TYW1: variants seen among roughly 807,000 people sequenced by gnomAD.
TYW1 encodes tRNA-yW synthesizing protein 1 homolog.
Under a neutral mutation model 96.2 loss-of-function variants are expected in TYW1, and 46 were observed. The ratio of observed to expected loss-of-function variants is 0.48; its 90% confidence interval spans 0.38 to 0.61. TYW1 has a LOEUF of 0.61. Ranked by LOEUF, TYW1 falls within the 20% of genes least tolerant of loss-of-function variation. The pLI is 0.00. For missense variants in TYW1, 684 were observed against 909.6 expected, an observed-to-expected ratio of 0.75 and a Z score of 3.19; for synonymous variants, 274 against 323.0, an observed-to-expected ratio of 0.85 and a Z score of 1.63.
intron 15 of TYW1, among the ~76,000 whole-genome samples, chr7:67,226,278 T>C (rs1317625764): frequency 1.8e-4 from 28 of 152,214 alleles, no homozygotes; most frequent in Admixed American, 1.8e-3. Context: ...AGGGACCCGA[T>C]GGCCTTTGTA....
intron 12 of TYW1, among the ~76,000 whole-genome samples, chr7:67,106,497 G>A (rs867966104): frequency 6.6e-6 from 1 of 152,122 alleles, no homozygotes; most frequent in East Asian, 1.9e-4. Context: ...GTATGGCATC[G>A]TGTTGTAAGG....
intron 3 of TYW1, among the ~76,000 whole-genome samples, chr7:67,004,009 A>C (rs1043036673): frequency 6.6e-6 from 1 of 150,956 alleles, no homozygotes; most frequent in African/African-American, 2.4e-5. Context: ...GCGCCACTGC[A>C]CTCCAGTCTG....
intron 13 of TYW1, among the ~76,000 whole-genome samples, chr7:67,167,911 C>T (rs529738638): frequency 2.6e-5 from 4 of 151,748 alleles, no homozygotes; most frequent in East Asian, 1.9e-4. Flanking sequence ...CCCACCACCA[C>T]GCCCAGATCA....
intron 13 of TYW1, among the ~76,000 whole-genome samples, chr7:67,157,892 A>G (rs996659386): frequency 6.6e-6 from 1 of 152,164 alleles, no homozygotes; most frequent in Non-Finnish European, 1.5e-5. Context: ...GAGAGCTGTA[A>G]TAAAATTTGT....
intron 7 of TYW1, among the ~76,000 whole-genome samples, chr7:67,030,927 A>G (rs1284574866): frequency 6.6e-6 from 1 of 151,450 alleles, no homozygotes; most frequent in East Asian, 2.0e-4. Flanking sequence ...TTGGCCTGGC[A>G]CGGTGGCTCA....
intron 12 of TYW1, among the ~76,000 whole-genome samples, chr7:67,112,863 G>A (rs181896011): frequency 6.6e-6 from 1 of 152,258 alleles, no homozygotes; most frequent in Admixed American, 6.5e-5. Flanking sequence ...CTGGAGCCAC[G>A]TGACTTTCAT....
chr7:67,073,503 G>A (rs1796099945), intron 10 of TYW1, among the ~76,000 whole-genome samples: 1 of 152,162 alleles, frequency 6.6e-6, no homozygotes, highest in South Asian at 2.1e-4. Flanking sequence ...CGGGTGCAGT[G>A]GCTCATGCCT....
intron 13 of TYW1, among the ~76,000 whole-genome samples, chr7:67,130,825 G>A (rs1286132420): frequency 6.6e-6 from 1 of 152,108 alleles, no homozygotes; most frequent in Non-Finnish European, 1.5e-5. Flanking sequence ...CCCACAGTCT[G>A]CATTTGGCAC....
intron 9 of TYW1, among the ~76,000 whole-genome samples, chr7:67,063,337 A>G (rs1378864040): frequency 6.6e-6 from 1 of 152,256 alleles, no homozygotes; most frequent in African/African-American, 2.4e-5. Context: ...ATGAGAGAGT[A>G]AATGCTTTTC....
intron 13 of TYW1, among the ~76,000 whole-genome samples, chr7:67,140,692 T>C (rs1412412883): frequency 3.9e-5 from 6 of 152,262 alleles, no homozygotes; most frequent in Non-Finnish European, 8.8e-5. Context: ...TGAAGGTCAC[T>C]TTTATGGTAC....
At position 67,123,089 on chromosome 7, in the gene TYW1, G is replaced by A. The variant is rs572769337; in HGVS notation, c.1698+5471G>A. Among the ~76,000 whole-genome samples the A allele has an allele frequency of 4.6e-5, 7 of 152,208 alleles. No homozygotes were observed. In the South Asian group the frequency reaches 1.0e-3, roughly 23 times the overall value. ...TAGGATGAGCTCGTCTCCCTTTCAT[G>A]GTTCTGACAAGTTTCCCTTCTTATT... On this transcript the variant is annotated intron_variant, in intron 13 of 15. Coordinates refer to ENST00000359626, the MANE Select transcript of TYW1 (RefSeq NM_018264.4).
chr7:66,997,080 C>G (rs1249188804), intron 1 of TYW1, 98 bp downstream of exon 1: 8 of 1,585,552 alleles, frequency 5.0e-6, no homozygotes, highest in Non-Finnish European at 5.1e-6. Flanking sequence ...GGTCCCTTTC[C>G]TTCGGAGACT....
chr7:67,111,605 C>T (rs1041186478), intron 12 of TYW1, among the ~76,000 whole-genome samples: 3 of 151,772 alleles, frequency 2.0e-5, no homozygotes, highest in Non-Finnish European at 2.9e-5. Context: ...GGCATGCCAA[C>T]ATATTTATAA....
intron 5 of TYW1, among the ~76,000 whole-genome samples, chr7:67,015,633 A>T (rs1793989946): frequency 6.6e-6 from 1 of 152,174 alleles, no homozygotes; most frequent in African/African-American, 2.4e-5. Context: ...GATTACAGGC[A>T]TGAACGTGTC....
intron 13 of TYW1, among the ~76,000 whole-genome samples, chr7:67,150,752 T>C (rs1724611598): frequency 6.6e-6 from 1 of 151,866 alleles, no homozygotes; most frequent in Non-Finnish European, 1.5e-5. Context: ...TTTTGTCCTG[T>C]GTTTGTGCAT....
intron 13 of TYW1, among the ~76,000 whole-genome samples, chr7:67,167,091 C>G (rs1216966831): frequency 6.6e-6 from 1 of 152,180 alleles, no homozygotes; most frequent in African/African-American, 2.4e-5. Context: ...TCTCCATTGC[C>G]TCATGACTTT....
At chr7:67,190,771 A>G (rs1800181093) in intron 14 of TYW1, among the ~76,000 whole-genome samples, 1 of 151,162 alleles carries the variant, frequency 6.6e-6, no homozygotes, top group Admixed American at 6.6e-5. Flanking sequence ...TTTGGGGTAT[A>G]TTATGGGGAA....
intron 15 of TYW1, among the ~76,000 whole-genome samples, chr7:67,206,968 C>T (rs572595338): frequency 1.3e-5 from 2 of 152,314 alleles, no homozygotes; most frequent in South Asian, 4.1e-4. Flanking sequence ...CCTCCCTGGG[C>T]TTTTAAACGG....
chr7:67,130,806 C>A (rs1798049612), intron 13 of TYW1, among the ~76,000 whole-genome samples: 1 of 152,184 alleles, frequency 6.6e-6, no homozygotes, highest in Non-Finnish European at 1.5e-5. Context: ...CTAACTCCTT[C>A]CCTCCCCTCC....
Sources: allele counts gnomAD v4.1 joint callset (sites outside exome capture counted in the v4.1 genomes callset), GRCh38; gene constraint gnomAD v4.1.1; transcripts MANE v1.5; gene names NCBI Gene and HGNC (gene_info 2026-07-23, HGNC 2026-07-21).